HS3ST5: variants seen among roughly 807,000 people sequenced by gnomAD.
The protein encoded by HS3ST5 is heparan sulfate glucosamine 3-O-sulfotransferase 5.
HS3ST5 carries 10 observed loss-of-function variants against 25.4 expected under a neutral mutation model. That is an observed-to-expected ratio of 0.39 (90% CI 0.24 to 0.67). The LOEUF (loss-of-function observed/expected upper bound fraction) is 0.67, where lower values mean the gene tolerates loss of function less well. Ranked by LOEUF, HS3ST5 falls within the 30% of genes least tolerant of loss-of-function variation. The probability of loss-of-function intolerance (pLI) is 0.44; values close to 1 mark genes in which losing one functional copy is unlikely to be tolerated. For synonymous variants in HS3ST5, 170 were observed against 162.4 expected (o/e 1.05, Z -0.36); for missense variants, 324 against 420.7 (o/e 0.77, Z 2.01).
chr6:114,293,874 CT>C (rs1436077156), intron 1 of HS3ST5, among the ~76,000 whole-genome samples: 1 of 152,168 alleles, frequency 6.6e-6, no homozygotes, highest in Admixed American at 6.5e-5. Flanking sequence ...ATATTCAGGG[CT>C]TGGTGCCCAG....
At chr6:114,166,077 A>C (rs1385590207) in intron 3 of HS3ST5, among the ~76,000 whole-genome samples, 1 of 152,088 alleles carries the variant, frequency 6.6e-6, no homozygotes, top group Admixed American at 6.6e-5. Flanking sequence ...AATAAGGTTA[A>C]GTGTTCAAAA....
intron 1 of HS3ST5, among the ~76,000 whole-genome samples, chr6:114,270,973 TTATTATA>T (rs1350208881): frequency 6.6e-6 from 1 of 152,006 alleles, no homozygotes; most frequent in African/African-American, 2.4e-5. Flanking sequence ...CCAAGTAGAC[TTATTATA>T]ATAGGTTATC....
chr6:114,155,796 G>A (rs1312769526), intron 3 of HS3ST5, among the ~76,000 whole-genome samples: 1 of 152,074 alleles, frequency 6.6e-6, no homozygotes, highest in East Asian at 1.9e-4. Context: ...TGTGAAATGT[G>A]GTAATAAACA....
chr6:114,266,372 T>A (rs1394872397), intron 1 of HS3ST5, among the ~76,000 whole-genome samples: 1 of 152,150 alleles, frequency 6.6e-6, no homozygotes, highest in African/African-American at 2.4e-5. Context: ...TGGCAAAAAA[T>A]TTAAGATAAA....
intron 1 of HS3ST5, among the ~76,000 whole-genome samples, chr6:114,298,923 T>C (rs1008370419): frequency 3.9e-5 from 6 of 152,116 alleles, no homozygotes; most frequent in Non-Finnish European, 8.8e-5. Context: ...ACTGCACAAA[T>C]TGTAGAGCAT....
intron 1 of HS3ST5, chr6:114,231,437 A>G (rs1409201668): frequency 6.6e-6 from 1 of 152,368 alleles, no homozygotes; most frequent in Non-Finnish European, 1.5e-5. Flanking sequence ...AAGAACTATG[A>G]ACCAGTTAAG....
chr6:114,240,658 CTCTCT>C (rs147784182), intron 1 of HS3ST5, among the ~76,000 whole-genome samples: 358 of 152,210 alleles, frequency 2.4e-3, no homozygotes, highest in Admixed American at 3.3e-3. Context: ...GTAATCTGGA[CTCTCT>C]TCTCTATGTA....
intron 2 of HS3ST5, among the ~76,000 whole-genome samples, 184 bp from the exon 3 acceptor site, chr6:114,168,646 G>C (rs2114998622): frequency 6.6e-6 from 1 of 152,218 alleles, no homozygotes; most frequent in Non-Finnish European, 1.5e-5. Flanking sequence ...TGAACAATTT[G>C]CAGGGGAAGA....
chr6:114,084,552 A>G, intron 3 of HS3ST5: 1 of 760,732 alleles, frequency 1.3e-6, no homozygotes, highest in Non-Finnish European at 2.4e-6. Context: ...CCGCTGAGTG[A>G]GCTCCCTCGT....
intron 3 of HS3ST5, among the ~76,000 whole-genome samples, chr6:114,114,740 T>G (rs1401773): frequency 0.75 from 113,239 of 151,930 alleles, 42,685 homozygotes; most frequent in Admixed American, 0.82. Context: ...ATATATTACT[T>G]AGAGGACAAA....
Position 114,196,371 on chromosome 6 carries a change from C to T in HS3ST5, c.-144-27909G>A, listed in dbSNP as rs117974506. Among the ~76,000 whole-genome samples the T allele has an allele frequency of 1.6e-3, 238 of 152,212 alleles. 1 individual carries two copies. The highest frequency in any genetic ancestry group is 0.014 in the East Asian group (74 of 5,174). On this transcript the variant is annotated intron_variant, in intron 2 of 4. Coordinates refer to ENST00000312719, the MANE Select transcript of HS3ST5 (RefSeq NM_153612.4). ...GCCTATGAATTGGGGTGCAGGGAGA[C>T]GGAGTTGAGCAAAAAAGCAAAAAGA... is the stretch of plus-strand genomic sequence containing the variant.
intron 2 of HS3ST5, among the ~76,000 whole-genome samples, chr6:114,204,389 TTGAA>T (rs1276418955): frequency 6.6e-6 from 1 of 152,182 alleles, no homozygotes; most frequent in Non-Finnish European, 1.5e-5. Flanking sequence ...GGCCTTTTCT[TTGAA>T]TGTAGGACTG....
chr6:114,086,915 C>T (rs962667456), intron 3 of HS3ST5, among the ~76,000 whole-genome samples: 2 of 152,156 alleles, frequency 1.3e-5, no homozygotes, highest in African/African-American at 4.8e-5. Context: ...AAATACTTTT[C>T]GGTGAAAAGG....
At chr6:114,126,930 G>A (rs949647513) in intron 3 of HS3ST5, among the ~76,000 whole-genome samples, 1 of 152,142 alleles carries the variant, frequency 6.6e-6, no homozygotes, top group Non-Finnish European at 1.5e-5. Flanking sequence ...CCAACTGTGC[G>A]ACCCTTAAGC....
chr6:114,164,419 A>G (rs896802751), intron 3 of HS3ST5, among the ~76,000 whole-genome samples: 5 of 152,148 alleles, frequency 3.3e-5, no homozygotes, highest in Admixed American at 1.3e-4. Flanking sequence ...ACAAAGTCCA[A>G]TGTGTTATTG....
intron 3 of HS3ST5, among the ~76,000 whole-genome samples, chr6:114,123,257 A>G (rs148126540): frequency 1.4e-4 from 21 of 152,270 alleles, no homozygotes; most frequent in Admixed American, 1.4e-3. Context: ...CCAGCCATAC[A>G]GATTGTTTTT....
chr6:114,335,723 C>T (rs1170903772), intron 1 of HS3ST5, among the ~76,000 whole-genome samples: 2 of 150,990 alleles, frequency 1.3e-5, no homozygotes, highest in East Asian at 2.0e-4. Flanking sequence ...GGTGCAATCT[C>T]GGCTCACTGC....
chr6:114,274,156 T>TG (rs1773750924), intron 1 of HS3ST5, among the ~76,000 whole-genome samples: 2 of 151,938 alleles, frequency 1.3e-5, no homozygotes, highest in South Asian at 4.2e-4. Flanking sequence ...AGACAGAGAA[T>TG]GCAGGCACAA....
chr6:114,222,193 T>C (rs1197067743), intron 2 of HS3ST5, among the ~76,000 whole-genome samples: 1 of 151,904 alleles, frequency 6.6e-6, no homozygotes, highest in Non-Finnish European at 1.5e-5. Flanking sequence ...TTCTTATCCA[T>C]TTTATGTTTT....
Sources: allele counts gnomAD v4.1 joint callset (sites outside exome capture counted in the v4.1 genomes callset), GRCh38; gene constraint gnomAD v4.1.1; transcripts MANE v1.5; gene names NCBI Gene and HGNC (gene_info 2026-07-23, HGNC 2026-07-21).